The following TMEM130 variants were observed in gnomAD, a reference collection of about 807,000 sequenced individuals.
TMEM130 encodes transmembrane protein 130.
Under a neutral mutation model 42.9 loss-of-function variants are expected in TMEM130, and 37 were observed. The ratio of observed to expected loss-of-function variants is 0.86; its 90% CI spans 0.66 to 1.13. TMEM130 has a LOEUF of 1.13. Ranked by LOEUF, TMEM130 falls within the 50% of genes most tolerant of loss-of-function variation. The pLI, the probability that TMEM130 is intolerant of heterozygous loss-of-function variation, is 0.00. For synonymous variants in TMEM130, 259 were observed against 237.7 expected (o/e 1.09, Z -0.82); for missense variants, 545 against 562.6 (o/e 0.97, Z 0.32).
At chr7:98,857,111 G>A (rs950220960) in intron 3 of TMEM130, among the ~76,000 whole-genome samples, 3 of 151,804 alleles carry the variant, frequency 2.0e-5, no homozygotes, top group Non-Finnish European at 2.9e-5. Flanking sequence ...TTGTAGAGAC[G>A]AGGTATCACT....
Position 98,869,774 on chromosome 7 carries a change from T to A in TMEM130, c.85+3A>T. On this transcript the variant is annotated splice_donor_region_variant and intron_variant, in intron 1 of 7. Transcript: ENST00000339375. This position sits in a 1 kb window ranked among gnomAD's most constrained non-coding sequence, Gnocchi z 4.7. ...AGGGAGGCCGGATTGCCCAGCGCCT[T>A]ACCTGCGGCCACCCCTGCCGGGGCC... 1 of 1,402,234 alleles carries A rather than the reference T, an allele frequency of 7.1e-7. No homozygotes were observed. Among genetic ancestry groups the A allele is most frequent in the South Asian group, 1.5e-5 (1 of 65,054 alleles). 86.9% of individuals were successfully genotyped at this position (1,402,234 alleles called of 1,614,324 possible). A position where few individuals can be genotyped will look rare whatever the true frequency, so the allele number is the denominator to read the frequency against.
chr7:98,849,570 T>C (rs1794439806), intron 6 of TMEM130, among the ~76,000 whole-genome samples: 1 of 151,756 alleles, frequency 6.6e-6, no homozygotes, highest in African/African-American at 2.4e-5. Context: ...AGGGCCAAGA[T>C]TGAGTGTAGC....
intron 6 of TMEM130, among the ~76,000 whole-genome samples, chr7:98,850,894 C>T (rs1191502962): frequency 1.3e-5 from 2 of 152,032 alleles, no homozygotes; most frequent in Admixed American, 6.6e-5. Context: ...GTGCTGGGGA[C>T]GTGTGGTCTT....
chr7:98,870,004 G>GCGA lies in TMEM130; in HGVS notation c.-144_-143insTCG. The GCGA allele has an allele frequency of 2.3e-6, 1 of 434,132 alleles. No individual in the cohort carries two copies. The highest frequency in any genetic ancestry group is 3.7e-6 in the Non-Finnish European group (1 of 272,370). 26.9% of individuals were successfully genotyped at this position (434,132 alleles called of 1,614,324 possible). The stretch of plus-strand genomic sequence containing the variant: ...GCGCCGTGCTCGCTCGTCCTCGCCG[G>GCGA]GGGACGCTCTGTCGCTGCGCGCCGC... On this transcript the variant is annotated 5_prime_UTR_variant, in exon 1 of 8. Coordinates refer to ENST00000339375, the MANE Select transcript of TMEM130 (RefSeq NM_152913.3).
chr7:98,862,740 T>G (rs1794811458), intron 2 of TMEM130, among the ~76,000 whole-genome samples: 1 of 152,176 alleles, frequency 6.6e-6, no homozygotes, highest in South Asian at 2.1e-4. Context: ...TCTCAGGCGA[T>G]CCACCTGCCT....
chr7:98,869,993 C>T lies in TMEM130; in HGVS notation c.-132G>A, dbSNP rs1406686946. On this transcript the variant is annotated 5_prime_UTR_variant, in exon 1 of 8. Transcript: ENST00000339375. The surrounding 1 kb of genome is among the most constrained non-coding windows in gnomAD (Gnocchi z 4.7). The stretch of plus-strand genomic sequence containing the variant: ...GGGAGGTGCGGGCGCCGTGCTCGCT[C>T]GTCCTCGCCGGGGGACGCTCTGTCG... The T allele has an allele frequency of 4.0e-5, 20 of 495,860 alleles. 1 individual carries two copies. The highest frequency in any genetic ancestry group is 2.4e-4 in the African/African-American group (12 of 49,686). The allele number at this position is 495,860 out of a possible 1,614,324, so 30.7% of individuals were successfully genotyped here. A position where few individuals can be genotyped will look rare whatever the true frequency, so the allele number is the denominator to read the frequency against.
chr7:98,859,994 A>G (rs1794724929), intron 3 of TMEM130, among the ~76,000 whole-genome samples, 185 bp downstream of exon 3: 1 of 151,764 alleles, frequency 6.6e-6, no homozygotes, highest in Non-Finnish European at 1.5e-5. Context: ...ACTTGAACCC[A>G]GGAGGAAGAG....
At position 98,850,273 on chromosome 7, in the gene TMEM130, A is replaced by ATATATATTTTTTTTTTTTTTTTTTTT; in HGVS notation, c.1006+1147_1006+1148insAAAAAAAAAAAAAAAAAAAATATATA. On this transcript the variant is annotated intron_variant, in intron 6 of 7. Coordinates refer to ENST00000339375, the MANE Select transcript of TMEM130 (RefSeq NM_152913.3). ...CTCATATATATATATATATATATAT[A>ATATATATTTTTTTTTTTTTTTTTTTT]TTTTTTTTTTTTTTTAATTTTTTGA... 1.4e-3 allele frequency among the ~76,000 whole-genome samples: 51 copies of ATATATATTTTTTTTTTTTTTTTTTTT among 35,434 alleles called. 1 individual carries two copies. The highest frequency in any genetic ancestry group is 2.5e-3 in the Non-Finnish European group (39 of 15,786). 23.2% of individuals were successfully genotyped at this position (35,434 alleles called of 152,430 possible). A position where few individuals can be genotyped will look rare whatever the true frequency, so the allele number is the denominator to read the frequency against.
intron 1 of TMEM130, among the ~76,000 whole-genome samples, chr7:98,864,265 G>C (rs377402554): frequency 7.2e-5 from 11 of 152,144 alleles, no homozygotes; most frequent in African/African-American, 2.6e-4. Context: ...GGGTGTAGTG[G>C]CATGATCATA....
At chr7:98,868,324 C>T (rs558570663) in intron 1 of TMEM130, among the ~76,000 whole-genome samples, 1 of 152,228 alleles carries the variant, frequency 6.6e-6, no homozygotes, top group East Asian at 1.9e-4. Flanking sequence ...ACTCCAAGGG[C>T]CCCCCAAGTC....
At chr7:98,865,336 G>A (rs960104123) in intron 1 of TMEM130, among the ~76,000 whole-genome samples, 1 of 152,198 alleles carries the variant, frequency 6.6e-6, no homozygotes, top group East Asian at 1.9e-4. Context: ...GGCCAGGCGT[G>A]GTGGCTCACA....
rs1554397698 is a variant in TMEM130 at position 98,848,264 on chromosome 7, A to G, written c.1120-56T>C. The G allele has an allele frequency of 1.9e-6, 3 of 1,607,256 alleles. No homozygotes were observed. The Admixed American group carries it at 5.1e-5, about 27-fold the overall frequency. Reference sequence around the variant, plus strand: ...AGCCACCTATGATGAACAAAATCCCACGGGTCAATCACCCACCCACCAGGA... The same window carrying G: ...AGCCACCTATGATGAACAAAATCCCGCGGGTCAATCACCCACCCACCAGGA... On this transcript the variant is annotated intron_variant, in intron 7 of 7. Coordinates refer to ENST00000339375, the MANE Select transcript of TMEM130 (RefSeq NM_152913.3).
chr7:98,857,029 C>G (rs1794649799), intron 3 of TMEM130, among the ~76,000 whole-genome samples: 1 of 151,952 alleles, frequency 6.6e-6, no homozygotes, highest in Non-Finnish European at 1.5e-5. Flanking sequence ...TCAAGCAGTC[C>G]TCCCACCTCA....
chr7:98,851,696 G>C (rs1291967331), intron 5 of TMEM130, 73 bp from the exon 6 acceptor site: 23 of 1,378,364 alleles, frequency 1.7e-5, no homozygotes, highest in Non-Finnish European at 2.1e-5. Flanking sequence ...GTCCAAGACA[G>C]GCCAGGTGGG....
chr7:98,865,203 C>CACTGA (rs1391325614), intron 1 of TMEM130, among the ~76,000 whole-genome samples: 10 of 152,220 alleles, frequency 6.6e-5, no homozygotes, highest in Admixed American at 6.5e-5. Flanking sequence ...ACCCAGGTGG[C>CACTGA]ACTGACTGAG....
chr7:98,865,082 CACA>C (rs1305591204), intron 1 of TMEM130, among the ~76,000 whole-genome samples: 1 of 152,226 alleles, frequency 6.6e-6, no homozygotes, highest in African/African-American at 2.4e-5. Context: ...CTGTGACCAG[CACA>C]ACGCTTGGCA....
At position 98,869,848 on chromosome 7, in the gene TMEM130, A is replaced by G. The variant is rs781843332; in HGVS notation, c.14T>C (p.Val5Ala). 1.0e-4 allele frequency: 146 copies of G among 1,440,510 alleles called. No individual in the cohort carries two copies. The highest frequency in any genetic ancestry group is 9.9e-5 in the Non-Finnish European group (109 of 1,098,122). 89.2% of individuals were successfully genotyped at this position (1,440,510 alleles called of 1,614,324 possible). Residue 5 changes from valine (V) to alanine (A), a missense_variant, in exon 1 of 8, where the codon GTG becomes GCG. Val to Ala is a moderately conservative substitution (Grantham distance 64, BLOSUM62 0). Transcript: ENST00000339375. This position sits in a 1 kb window ranked among gnomAD's most constrained non-coding sequence, Gnocchi z 4.7. ...GAGGATGCGGCCGAGGCGCGACCAC[A>G]CTGCCTGGGCCATTGCGGGGCCCGG... MAQA[V>A]WSRLGRILWL...
chr7:98,864,269 G>A (rs1349533950), intron 1 of TMEM130, among the ~76,000 whole-genome samples: 1 of 151,950 alleles, frequency 6.6e-6, no homozygotes, highest in Non-Finnish European at 1.5e-5. Context: ...GTAGTGGCAT[G>A]ATCATAGCTC....
In TMEM130 at chr7:98,860,213, C is replaced by A. The variant is rs539482079; in HGVS notation, c.517G>T (p.Ala173Ser). The A allele has an allele frequency of 6.2e-7, 1 of 1,613,736 alleles. No homozygotes were observed. The highest frequency in any genetic ancestry group is 1.3e-5 in the African/African-American group (1 of 74,904). The change falls in exon 3 of 8, where the codon GCC (alanine) becomes TCC (serine). Residue 173 changes from alanine to serine, a missense_variant. Physicochemically the swap from Ala to Ser is moderately conservative, Grantham distance 99 (BLOSUM62 1). Transcript: ENST00000339375. Reference sequence around the variant, plus strand: ...AAGTCCCAGCTGTAGAGAAACAAGGCGGTCTTGAGGAAGTTGCTCGGGTCG... The same window carrying A: ...AAGTCCCAGCTGTAGAGAAACAAGGAGGTCTTGAGGAAGTTGCTCGGGTCG... ...LHDPSNFLKT[A>S]LFLYSWDFGD...
Sources: allele counts gnomAD v4.1 joint callset (sites outside exome capture counted in the v4.1 genomes callset), GRCh38; gene constraint gnomAD v4.1.1; non-coding constraint Gnocchi (gnomAD v3.1); transcripts MANE v1.5; gene names NCBI Gene and HGNC (gene_info 2026-07-23, HGNC 2026-07-21).